The following PSME4 variants were observed in gnomAD, a reference collection of about 807,000 sequenced individuals.
PSME4 encodes the protein proteasome activator complex subunit 4.
A neutral mutation model predicts 253.9 loss-of-function variants in PSME4; 89 were observed. The observed-to-expected ratio is 0.35, with a 90% CI of 0.30 to 0.42. The LOEUF (loss-of-function observed/expected upper bound fraction) is 0.42. PSME4 is among the 10% of genes least tolerant of loss of function. The pLI, the probability that PSME4 is intolerant of heterozygous loss-of-function variation, is 1.00. For missense variants in PSME4, 2,014 were observed against 2,195.2 expected, an observed-to-expected ratio of 0.92 and a Z score of 1.65; for synonymous variants, 851 against 759.2, an observed-to-expected ratio of 1.12 and a Z score of -1.99.
In PSME4 at chr2:53,904,082, G is replaced by T. The variant is rs1443150432; in HGVS notation, c.3018C>A (p.Pro1006=). Residue 1006 remains proline (P), a synonymous_variant, in exon 27 of 47, where the codon CCC becomes CCA. Coordinates refer to ENST00000404125, the MANE Select transcript of PSME4 (RefSeq NM_014614.3). The part of the protein sequence containing the change: ...AYNFCCRDII[P]LVLEFLRPDR... Reference sequence around the variant, plus strand: ...CAGGCCTTAAGAACTCCAAAACCAAGGGAATGATATCTCTGCAACAGAAGT... The same window carrying T: ...CAGGCCTTAAGAACTCCAAAACCAATGGAATGATATCTCTGCAACAGAAGT... 3 of 1,613,626 alleles carry T rather than the reference G, an allele frequency of 1.9e-6. No homozygotes were observed. In the African/African-American group the frequency reaches 4.0e-5, roughly 22 times the overall value.
chr2:53,928,768 C>T (rs955088524), intron 10 of PSME4, among the ~76,000 whole-genome samples: 13 of 152,134 alleles, frequency 8.5e-5, no homozygotes, highest in African/African-American at 3.1e-4. Flanking sequence ...CACTACTGTA[C>T]ACAAATAAAG....
intron 10 of PSME4, among the ~76,000 whole-genome samples, chr2:53,931,522 C>G (rs996666690): frequency 5.9e-5 from 9 of 152,162 alleles, no homozygotes; most frequent in Admixed American, 5.2e-4. Flanking sequence ...GCCATATTCT[C>G]AATCCTTAGT....
intron 26 of PSME4, 38 bp from the exon 27 acceptor site, chr2:53,904,194 T>C (rs758379385): frequency 1.3e-6 from 2 of 1,570,844 alleles, no homozygotes; most frequent in Non-Finnish European, 8.7e-7. Flanking sequence ...TTTTATTAAA[T>C]AGTAAAGTAC....
intron 37 of PSME4, among the ~76,000 whole-genome samples, chr2:53,889,326 C>T (rs805403): frequency 0.043 from 6,494 of 152,184 alleles, 214 homozygotes; most frequent in South Asian, 0.12. Context: ...TATGCACATC[C>T]TCCTGTACAC....
chr2:53,932,803 C>A, intron 8 of PSME4, 43 bp from the exon 9 acceptor site: 2 of 1,495,656 alleles, frequency 1.3e-6, no homozygotes, highest in South Asian at 1.1e-5. Flanking sequence ...CCACATCATA[C>A]TGTAAAAACA....
At chr2:53,918,935 TAA>T (rs1668179472) in intron 20 of PSME4, among the ~76,000 whole-genome samples, 1 of 152,184 alleles carries the variant, frequency 6.6e-6, no homozygotes, top group Admixed American at 6.5e-5. Flanking sequence ...AATTAATACC[TAA>T]AGTTATTCTA....
At chr2:53,949,776 A>G (rs899165713) in intron 1 of PSME4, among the ~76,000 whole-genome samples, 16 of 152,214 alleles carry the variant, frequency 1.1e-4, no homozygotes, top group African/African-American at 3.4e-4. Context: ...GTTTCAGTCA[A>G]GTAAAATAAA....
chr2:53,936,909 C>T, intron 5 of PSME4, 82 bp from the exon 6 acceptor site: 1 of 922,360 alleles, frequency 1.1e-6, no homozygotes, highest in Non-Finnish European at 1.6e-6. Flanking sequence ...TTTTTATAAT[C>T]TATTATTCTT....
chr2:53,870,509 G>A (rs1308744703), intron 43 of PSME4: 1 of 151,608 alleles, frequency 6.6e-6, no homozygotes, highest in Non-Finnish European at 1.5e-5. Context: ...AAGTAGCTGG[G>A]ACTACAGGCA....
intron 4 of PSME4, among the ~76,000 whole-genome samples, chr2:53,938,731 T>G (rs143717876): frequency 1.6e-3 from 237 of 152,286 alleles, no homozygotes; most frequent in African/African-American, 5.5e-3. Flanking sequence ...TCCTACTATA[T>G]CTTCATATAC....
At chr2:53,935,897 GT>G (rs80151181) in intron 7 of PSME4, among the ~76,000 whole-genome samples, 189 bp downstream of exon 7, 68 of 145,054 alleles carry the variant, frequency 4.7e-4, no homozygotes, top group African/African-American at 9.6e-4. Flanking sequence ...TGTTCAAAAT[GT>G]TTTTTTTTTT....
At chr2:53,918,147 A>C (rs1668140934) in intron 20 of PSME4, among the ~76,000 whole-genome samples, 1 of 152,202 alleles carries the variant, frequency 6.6e-6, no homozygotes, top group African/African-American at 2.4e-5. Flanking sequence ...TTTGTTGGAA[A>C]ATCAGTAAAT....
At chr2:53,949,097 GA>G in intron 2 of PSME4, 45 bp downstream of exon 2, 1 of 1,504,976 alleles carries the variant, frequency 6.6e-7, no homozygotes, top group Non-Finnish European at 8.9e-7. Context: ...CTAAAACCCT[GA>G]AGAAACAAAC....
chr2:53,884,514 C>A (rs564255919), intron 41 of PSME4, among the ~76,000 whole-genome samples: 1 of 152,282 alleles, frequency 6.6e-6, no homozygotes, highest in South Asian at 2.1e-4. Flanking sequence ...GGGCCTCTAT[C>A]GTACAGGTTT....
intron 12 of PSME4, 28 bp downstream of exon 12, chr2:53,927,366 C>T: frequency 1.4e-6 from 2 of 1,419,884 alleles, no homozygotes; most frequent in Non-Finnish European, 2.0e-6. Context: ...AACATCTTAG[C>T]CCTTTTATAA....
In PSME4 at chr2:53,919,250, G is replaced by GAAA. The variant is rs113177874; in HGVS notation, c.2421-7_2421-5dup. 3.4e-5 allele frequency: 41 copies of GAAA among 1,222,042 alleles called. No homozygotes were observed. Among genetic ancestry groups the GAAA allele is most frequent in the Admixed American group, 8.5e-5 (3 of 35,154 alleles). 75.7% of individuals were successfully genotyped at this position (1,222,042 alleles called of 1,614,324 possible). ...CAGACTCTGTAGAATATCATCTCTA[G>GAAA]AAAAAAAAAAAAGACATTTTCATAT... On this transcript the variant is annotated splice_polypyrimidine_tract_variant and splice_region_variant and intron_variant, in intron 19 of 46. Coordinates refer to ENST00000404125, the MANE Select transcript of PSME4 (RefSeq NM_014614.3).
At chr2:53,968,135 C>T (rs1049807624) in intron 1 of PSME4, among the ~76,000 whole-genome samples, 2 of 151,884 alleles carry the variant, frequency 1.3e-5, no homozygotes, top group Non-Finnish European at 2.9e-5. Flanking sequence ...AGTAGCCAGG[C>T]ATGGTGGCAC....
At chr2:53,899,768 T>G in intron 29 of PSME4, 113 bp downstream of exon 29, 1 of 1,284,736 alleles carries the variant, frequency 7.8e-7, no homozygotes, top group Non-Finnish European at 1.1e-6. Context: ...CAGTGAGCCA[T>G]GATCGTCTCA....
chr2:53,894,236 G>C (rs746661419), intron 34 of PSME4, among the ~76,000 whole-genome samples: 1 of 152,044 alleles, frequency 6.6e-6, no homozygotes, highest in Admixed American at 6.6e-5. Flanking sequence ...CAAGGACCAA[G>C]TACATAAACT....
Sources: allele counts gnomAD v4.1 joint callset (sites outside exome capture counted in the v4.1 genomes callset), GRCh38; gene constraint gnomAD v4.1.1; transcripts MANE v1.5; gene names NCBI Gene and HGNC (gene_info 2026-07-23, HGNC 2026-07-21).